Variants in YAP1 observed in about 807,000 individuals in gnomAD.
The protein encoded by YAP1 is transcriptional coactivator YAP1.
Under a neutral mutation model 56.9 loss-of-function variants are expected in YAP1, and 5 were observed. That is an observed-to-expected ratio of 0.09 (90% CI 0.05 to 0.18). YAP1 has a LOEUF of 0.18. Ranked by LOEUF, YAP1 falls within the 10% of genes least tolerant of loss-of-function variation. YAP1 has a pLI of 1.00. For missense variants in YAP1, 539 were observed against 651.8 expected, an observed-to-expected ratio of 0.83 and a Z score of 1.88; for synonymous variants, 265 against 248.1, an observed-to-expected ratio of 1.07 and a Z score of -0.64.
intron 3 of YAP1, among the ~76,000 whole-genome samples, chr11:102,168,640 A>G (rs1307933510): frequency 1.3e-5 from 2 of 152,218 alleles, no homozygotes; most frequent in African/African-American, 4.8e-5. Context: ...TGATCATGAA[A>G]GGTGATACGT....
At position 102,162,308 on chromosome 11, in the gene YAP1, A is replaced by C. The variant is rs529265199; in HGVS notation, c.573-148A>C. On this transcript the variant is annotated intron_variant, in intron 2 of 8. Coordinates refer to ENST00000282441, the MANE Select transcript of YAP1 (RefSeq NM_001130145.3). The stretch of plus-strand genomic sequence containing the variant: ...TTTAAGGGTGAAAAATGTCTGTTGC[A>C]GAGGGAGGCTGGTGGGAGCAGTGAG... The C allele has an allele frequency of 1.2e-5, 7 of 604,120 alleles. 1 individual carries two copies. In the South Asian group the frequency reaches 1.3e-4, roughly 12 times the overall value. 37.4% of individuals were successfully genotyped at this position (604,120 alleles called of 1,614,324 possible).
chr11:102,113,153 C>G (rs1320144644), intron 1 of YAP1, among the ~76,000 whole-genome samples: 1 of 152,036 alleles, frequency 6.6e-6, no homozygotes, highest in African/African-American at 2.4e-5. Flanking sequence ...GTTTCCTTAC[C>G]TTTGTGAATC....
intron 4 of YAP1, among the ~76,000 whole-genome samples, chr11:102,205,154 A>AT (rs1565266624): frequency 1.4e-4 from 16 of 114,736 alleles, no homozygotes; most frequent in South Asian, 7.3e-4. Context: ...TTCAAAAAAA[A>AT]ATTTTTTTTT....
At chr11:102,113,738 C>T (rs1291928952) in intron 1 of YAP1, among the ~76,000 whole-genome samples, 2 of 152,016 alleles carry the variant, frequency 1.3e-5, no homozygotes, top group Non-Finnish European at 2.9e-5. Flanking sequence ...GTAAAAAATA[C>T]ATATTCTTTG....
At chr11:102,178,852 G>A (rs1947419297) in intron 3 of YAP1, among the ~76,000 whole-genome samples, 1 of 152,202 alleles carries the variant, frequency 6.6e-6, no homozygotes, top group South Asian at 2.1e-4. Context: ...CATGGTGCCA[G>A]CGTCTGCTTC....
intron 2 of YAP1, among the ~76,000 whole-genome samples, chr11:102,125,363 TTTTTC>T (rs1259135494): frequency 6.9e-5 from 10 of 145,314 alleles, no homozygotes; most frequent in African/African-American, 2.3e-4. Flanking sequence ...CATTCTTTTT[TTTTTC>T]TTTTCTTTTC....
chr11:102,201,191 C>T (rs1948834782), intron 4 of YAP1, among the ~76,000 whole-genome samples: 1 of 152,000 alleles, frequency 6.6e-6, no homozygotes, highest in Non-Finnish European at 1.5e-5. Context: ...GAATATTAAC[C>T]AGCTATGTCA....
At chr11:102,138,622 AC>A (rs1172819224) in intron 2 of YAP1, among the ~76,000 whole-genome samples, 3 of 152,162 alleles carry the variant, frequency 2.0e-5, no homozygotes, top group Non-Finnish European at 4.4e-5. Context: ...ATTTTCTGGT[AC>A]CCGTGTTTCG....
chr11:102,162,033 C>T (rs774063282), intron 2 of YAP1, among the ~76,000 whole-genome samples: 1 of 151,998 alleles, frequency 6.6e-6, no homozygotes. Flanking sequence ...CTTAAAAAGG[C>T]GTTTTAGGCC....
chr11:102,173,162 G>T (rs571697989), intron 3 of YAP1, among the ~76,000 whole-genome samples: 1 of 152,164 alleles, frequency 6.6e-6, no homozygotes, highest in Non-Finnish European at 1.5e-5. Flanking sequence ...GGACGAGTGG[G>T]AAGTTAAGTT....
chr11:102,215,979 C>T (rs900958586), intron 6 of YAP1, among the ~76,000 whole-genome samples: 2 of 152,174 alleles, frequency 1.3e-5, no homozygotes, highest in Non-Finnish European at 1.5e-5. Flanking sequence ...CAAAAAACAA[C>T]AACCTCTGCC....
At chr11:102,162,329 G>A (rs1946340875) in intron 2 of YAP1, 127 bp from the exon 3 acceptor site, 2 of 709,166 alleles carry the variant, frequency 2.8e-6, no homozygotes, top group African/African-American at 3.5e-5. Context: ...GGTGGGAGCA[G>A]TGAGATGCTG....
At chr11:102,216,480 C>T (rs541038878) in intron 6 of YAP1, among the ~76,000 whole-genome samples, 38 of 152,148 alleles carry the variant, frequency 2.5e-4, no homozygotes, top group African/African-American at 8.2e-4. Flanking sequence ...TTAAAAAATG[C>T]CAATTATATT....
intron 6 of YAP1, among the ~76,000 whole-genome samples, chr11:102,216,676 A>G (rs938178434): frequency 3.3e-5 from 5 of 152,326 alleles, no homozygotes; most frequent in East Asian, 1.9e-4. Context: ...AGTTACGTCT[A>G]TCTCTAAGAA....
At chr11:102,163,409 T>G (rs978863587) in intron 3 of YAP1, among the ~76,000 whole-genome samples, 1 of 152,306 alleles carries the variant, frequency 6.6e-6, no homozygotes, top group Admixed American at 6.5e-5. Context: ...AAGGCCACAG[T>G]TAGCCCATTA....
intron 3 of YAP1, among the ~76,000 whole-genome samples, chr11:102,175,391 C>T (rs1221238464): frequency 2.6e-5 from 4 of 151,908 alleles, no homozygotes; most frequent in African/African-American, 9.7e-5. Flanking sequence ...CAGAGCGAGA[C>T]CTCGTCTCAA....
intron 8 of YAP1, among the ~76,000 whole-genome samples, chr11:102,228,363 G>A (rs1000052598): frequency 4.0e-5 from 6 of 151,852 alleles, no homozygotes; most frequent in African/African-American, 9.7e-5. Flanking sequence ...GGCCAGGTGC[G>A]GTGGCTTAAA....
At chr11:102,179,067 A>AC (rs1467051559) in intron 3 of YAP1, among the ~76,000 whole-genome samples, 1 of 60,538 alleles carries the variant, frequency 1.7e-5, no homozygotes, top group African/African-American at 6.6e-5. Context: ...TGACCCAGTC[A>AC]CCCCCCACCA....
At chr11:102,170,835 G>A (rs908185506) in intron 3 of YAP1, among the ~76,000 whole-genome samples, 1 of 152,020 alleles carries the variant, frequency 6.6e-6, no homozygotes, top group African/African-American at 2.4e-5. Context: ...CAGGTATGAT[G>A]GTGGGTGCCT....
Sources: gnomAD v4.1 joint callset for allele counts (sites outside exome capture counted in the v4.1 genomes callset) on GRCh38, gnomAD v4.1.1 for gene constraint, MANE v1.5 for transcripts, NCBI Gene and HGNC (gene_info 2026-07-23, HGNC 2026-07-21) for gene names.